The following NBAS variants were observed in gnomAD, a reference collection of about 807,000 sequenced individuals.
The protein encoded by NBAS is NAG/BC035112 fusion.
Under a neutral mutation model 302.5 loss-of-function variants are expected in NBAS, and 219 were observed. That is an observed-to-expected ratio of 0.72 (90% CI 0.65 to 0.81). The LOEUF is 0.81. NBAS is among the 30% of genes least tolerant of loss of function. The probability of loss-of-function intolerance (pLI) is 0.00; values close to 1 mark genes in which losing one functional copy is unlikely to be tolerated. For missense variants in NBAS, 2,932 were observed against 2,841.6 expected (o/e 1.03, Z -0.72); for synonymous variants, 1,118 against 1,021.6 (o/e 1.09, Z -1.80).
At chr2:15,267,974 T>C (rs556556926) in intron 44 of NBAS, among the ~76,000 whole-genome samples, 9 of 152,318 alleles carry the variant, frequency 5.9e-5, no homozygotes, top group African/African-American at 1.9e-4. Flanking sequence ...TTATTATATG[T>C]GAGGTTTGGC....
At chr2:15,502,147 T>C (rs1661598976) in intron 11 of NBAS, among the ~76,000 whole-genome samples, 1 of 152,134 alleles carries the variant, frequency 6.6e-6, no homozygotes, top group African/African-American at 2.4e-5. Flanking sequence ...ACCAAACACA[T>C]CTCTGACACT....
intron 21 of NBAS, among the ~76,000 whole-genome samples, chr2:15,451,648 T>C (rs1051105637): frequency 6.6e-6 from 1 of 152,186 alleles, no homozygotes; most frequent in African/African-American, 2.4e-5. Context: ...AATATGAATA[T>C]TGATGTTTTG....
the NBAS span, among the ~76,000 whole-genome samples, chr2:14,880,527 GA>G: frequency 5.3e-5 from 8 of 151,942 alleles, no homozygotes; most frequent in South Asian, 2.1e-4. Flanking sequence ...AGAAATTGAT[GA>G]AAAAGACAAA....
chr2:14,852,973 A>C, the NBAS span, among the ~76,000 whole-genome samples: 1 of 149,164 alleles, frequency 6.7e-6, no homozygotes, highest in Non-Finnish European at 1.5e-5. Context: ...AAAACCCTAG[A>C]AGAAAACCTA....
At chr2:15,383,357 A>G (rs746745645) in intron 28 of NBAS, 40 bp from the exon 29 acceptor site, 1 of 1,562,924 alleles carries the variant, frequency 6.4e-7, no homozygotes, top group South Asian at 1.1e-5. Context: ...GAGGGAAAGA[A>G]AACAATTAAA....
chr2:15,462,671 T>G (rs973496934), intron 19 of NBAS, among the ~76,000 whole-genome samples: 6 of 151,936 alleles, frequency 3.9e-5, no homozygotes, highest in African/African-American at 1.2e-4. Flanking sequence ...CACTTGTAGA[T>G]GGGTTAAGTT....
At chr2:15,085,433 C>T in the NBAS span, among the ~76,000 whole-genome samples, 1 of 152,136 alleles carries the variant, frequency 6.6e-6, no homozygotes, top group African/African-American at 2.4e-5. Context: ...GGGCCCGATC[C>T]CCTCAGCCCA....
chr2:15,404,106 G>A (rs546935140), intron 25 of NBAS, among the ~76,000 whole-genome samples: 17 of 152,102 alleles, frequency 1.1e-4, no homozygotes, highest in African/African-American at 3.1e-4. Context: ...TTCATAAATC[G>A]TCATAACAAT....
chr2:15,520,205 C>T (rs780191044), intron 9 of NBAS, among the ~76,000 whole-genome samples: 4 of 152,012 alleles, frequency 2.6e-5, no homozygotes, highest in South Asian at 2.1e-4. Flanking sequence ...AGTTAGAGAC[C>T]AGCTTGAGCA....
the NBAS span, among the ~76,000 whole-genome samples, chr2:15,043,158 A>G: frequency 6.6e-6 from 1 of 152,144 alleles, no homozygotes. Flanking sequence ...TCATCTCTGT[A>G]ATCTGTGAGG....
intron 10 of NBAS, among the ~76,000 whole-genome samples, chr2:15,507,332 G>C (rs1661907898): frequency 6.6e-6 from 1 of 151,968 alleles, no homozygotes; most frequent in Non-Finnish European, 1.5e-5. Flanking sequence ...TTTTTTCAGG[G>C]AAATAGGATT....
chr2:15,322,794 A>C (rs1044365621), intron 38 of NBAS, among the ~76,000 whole-genome samples: 1 of 152,182 alleles, frequency 6.6e-6, no homozygotes, highest in African/African-American at 2.4e-5. Flanking sequence ...GTTTCTGACA[A>C]ATGTTTGACA....
At chr2:14,804,778 T>C in the NBAS span, among the ~76,000 whole-genome samples, 1 of 152,206 alleles carries the variant, frequency 6.6e-6, no homozygotes, top group South Asian at 2.1e-4. Flanking sequence ...GATAGGTGTA[T>C]GTAATAAGAT....
At chr2:15,423,018 T>C (rs1677285911) in intron 23 of NBAS, among the ~76,000 whole-genome samples, 1 of 152,214 alleles carries the variant, frequency 6.6e-6, no homozygotes, top group African/African-American at 2.4e-5. Flanking sequence ...TAGGTGCACG[T>C]TACAACAACC....
chr2:15,107,663 T>A, the NBAS span, among the ~76,000 whole-genome samples: 1 of 152,150 alleles, frequency 6.6e-6, no homozygotes, highest in Non-Finnish European at 1.5e-5. Flanking sequence ...AAGACAGACT[T>A]CTTTTAAAAA....
chr2:15,061,009 T>C, the NBAS span, among the ~76,000 whole-genome samples: 1 of 152,194 alleles, frequency 6.6e-6, no homozygotes, highest in Non-Finnish European at 1.5e-5. Flanking sequence ...AAAATTACAA[T>C]GTTTTCACTT....
intron 10 of NBAS, among the ~76,000 whole-genome samples, chr2:15,508,095 A>G (rs767624): frequency 0.59 from 89,644 of 152,006 alleles, 27,059 homozygotes; most frequent in Middle Eastern, 0.63. Context: ...GGCTATGCAG[A>G]ATGATTTCAA....
chr2:15,536,277 C>T (rs931826156), intron 8 of NBAS, 141 bp downstream of exon 8: 2 of 945,998 alleles, frequency 2.1e-6, no homozygotes, highest in Non-Finnish European at 1.6e-6. Context: ...GTGTTCACCA[C>T]ACCACTCTTT....
At chr2:15,202,430 G>C (rs369145859) in intron 48 of NBAS, among the ~76,000 whole-genome samples, 4 of 152,142 alleles carry the variant, frequency 2.6e-5, no homozygotes, top group Non-Finnish European at 4.4e-5. Flanking sequence ...AATAAGAAGA[G>C]GAAAGATTTT....
Sources: allele counts gnomAD v4.1 joint callset (sites outside exome capture counted in the v4.1 genomes callset), GRCh38; gene constraint gnomAD v4.1.1; transcripts MANE v1.5; gene names NCBI Gene and HGNC (gene_info 2026-07-23, HGNC 2026-07-21).